The following C6orf62 variants were observed in gnomAD, a reference collection of about 807,000 sequenced individuals.
C6orf62 encodes the protein chromosome 6 open reading frame 62.
Under a neutral mutation model 26.8 loss-of-function variants are expected in C6orf62, and 16 were observed. The ratio of observed to expected loss-of-function variants is 0.60; its 90% CI spans 0.40 to 0.91. The LOEUF (loss-of-function observed/expected upper bound fraction) is 0.91, where lower values mean the gene tolerates loss of function less well. Among genes scored for constraint, C6orf62 ranks in the 40% least tolerant of loss-of-function variants. The pLI is 0.00. For missense variants in C6orf62, 192 were observed against 271.4 expected (o/e 0.71, Z 2.06); for synonymous variants, 112 against 91.5 (o/e 1.22, Z -1.28).
intron 4 of C6orf62, 127 bp downstream of exon 4, chr6:24,708,650 T>G (rs1306795022): frequency 1.5e-6 from 2 of 1,362,220 alleles, no homozygotes; most frequent in Non-Finnish European, 2.0e-6. Context: ...TTTTTTGCTT[T>G]TTAAATAACT....
At chr6:24,720,291 CGGCGGCGGG>C (rs1779330371), upstream of C6orf62, 4 of 1,301,056 alleles carry the variant, frequency 3.1e-6, no homozygotes, top group South Asian at 2.4e-5. Context: ...GAAGAGGCGG[CGGCGGCGGG>C]GGCGCTGCTG....
chr6:24,706,319 A>T, intron 4 of C6orf62, 57 bp from the exon 5 acceptor site: 1 of 1,593,518 alleles, frequency 6.3e-7, no homozygotes, highest in Non-Finnish European at 8.6e-7. Context: ...CGTAACTGTC[A>T]CATGAAGTCC....
intron 3 of C6orf62, among the ~76,000 whole-genome samples, chr6:24,711,257 A>ACAC (rs1554192457): frequency 8.9e-4 from 134 of 151,064 alleles, no homozygotes; most frequent in African/African-American, 3.0e-3. Context: ...CACACACACA[A>ACAC]ACACACACAC....
upstream of C6orf62, chr6:24,719,631 G>A (rs1779313742): frequency 7.0e-7 from 1 of 1,434,320 alleles, no homozygotes; most frequent in East Asian, 2.5e-5. Context: ...TAATGCCCGG[G>A]TTCCCAACAC....
chr6:24,720,520 G>A (rs955954269), upstream of C6orf62: 88 of 416,698 alleles, frequency 2.1e-4, no homozygotes, highest in Middle Eastern at 2.1e-3. Flanking sequence ...AGAAAAAGAG[G>A]AAAAACAAAG....
intron 3 of C6orf62, chr6:24,710,513 C>T (rs1156341139): frequency 1.2e-6 from 1 of 839,110 alleles, no homozygotes; most frequent in Non-Finnish European, 1.4e-6. Flanking sequence ...ATCCATCTGG[C>T]TTAGCCTCCC....
chr6:24,720,294 C>CG, upstream of C6orf62: 1 of 1,304,542 alleles, frequency 7.7e-7, no homozygotes, highest in South Asian at 2.4e-5. Context: ...GAGGCGGCGG[C>CG]GGCGGGGGCG....
At chr6:24,708,002 C>A (rs1779044800) in intron 4 of C6orf62, among the ~76,000 whole-genome samples, 1 of 151,238 alleles carries the variant, frequency 6.6e-6, no homozygotes, top group African/African-American at 2.4e-5. Context: ...CAGAGACTCC[C>A]TCTCAAGAAA....
chr6:24,720,212 A>C, upstream of C6orf62: 10 of 1,349,806 alleles, frequency 7.4e-6, no homozygotes, highest in African/African-American at 1.5e-5. Flanking sequence ...CCCGGGACTC[A>C]CGGACCGACT....
chr6:24,706,323 G>C, intron 4 of C6orf62, 61 bp from the exon 5 acceptor site: 1 of 1,588,136 alleles, frequency 6.3e-7, no homozygotes, highest in South Asian at 1.1e-5. Flanking sequence ...ACTGTCACAT[G>C]AAGTCCATTT....
At position 24,708,129 on chromosome 6, in the gene C6orf62, G is replaced by A. The variant is rs573533900; in HGVS notation, c.564+648C>T. Reference sequence around the variant, plus strand: ...GCCTGAGAGTCTATATTTTTAACAAGTTCTCAAGTGATGTTCATCCATTGC... The same window carrying A: ...GCCTGAGAGTCTATATTTTTAACAAATTCTCAAGTGATGTTCATCCATTGC... On this transcript the variant is annotated intron_variant, in intron 4 of 4. Transcript: ENST00000378119. Among the ~76,000 whole-genome samples the A allele has an allele frequency of 4.6e-5, 7 of 152,106 alleles. No homozygotes were observed. In the South Asian group the frequency reaches 1.5e-3, roughly 32 times the overall value.
At chr6:24,720,397 C>G, upstream of C6orf62, 1 of 1,162,148 alleles carries the variant, frequency 8.6e-7, no homozygotes, top group Non-Finnish European at 1.1e-6. Flanking sequence ...GTGACTGGAC[C>G]GCCCGCGCTG....
chr6:24,708,420 T>C (rs553567074), intron 4 of C6orf62, among the ~76,000 whole-genome samples: 2 of 152,228 alleles, frequency 1.3e-5, no homozygotes, highest in Admixed American at 1.3e-4. Context: ...AAGATCTCAC[T>C]GTAGCCTCCT....
chr6:24,712,901 A>T (rs1017818923), intron 3 of C6orf62, among the ~76,000 whole-genome samples: 1 of 152,122 alleles, frequency 6.6e-6, no homozygotes, highest in East Asian at 1.9e-4. Flanking sequence ...TTAACTAAAA[A>T]ACAACAAAAT....
At chr6:24,709,238 CA>C (rs1336676134) in intron 3 of C6orf62, 2 of 985,160 alleles carry the variant, frequency 2.0e-6, no homozygotes, top group African/African-American at 3.5e-5. Context: ...GTACACTCCA[CA>C]ACAGCAGTTG....
At chr6:24,718,096 TG>T (rs1420312533) in intron 1 of C6orf62, among the ~76,000 whole-genome samples, 1 of 152,228 alleles carries the variant, frequency 6.6e-6, no homozygotes, top group Non-Finnish European at 1.5e-5. Context: ...CTTCATTAAA[TG>T]TAAGAGAAAA....
rs778663155 is a variant in C6orf62, at chr6:24,714,402, A to C, written c.345T>G (p.Leu115=). ...TTTTTTCAATATCATTCCGAGGCCA[A>C]AGAATGAAATCCATCTCCTGAGTAC... ...IGCTQEMDFI[L]WPRNDIEKIV... The change falls in exon 3 of 5, where the codon CTT becomes CTG. Residue 115 remains leucine (L), a synonymous_variant. Transcript: ENST00000378119. The C allele has an allele frequency of 1.8e-4, 288 of 1,611,272 alleles. No homozygotes were observed. Among genetic ancestry groups the C allele is most frequent in the Non-Finnish European group, 1.8e-4 (211 of 1,178,226 alleles).
At chr6:24,710,202 A>T in intron 3 of C6orf62, 1 of 985,382 alleles carries the variant, frequency 1.0e-6, no homozygotes, top group Non-Finnish European at 1.2e-6. Flanking sequence ...GTACAGCCAA[A>T]TATAAAACCC....
chr6:24,718,294 G>C (rs960733979), intron 1 of C6orf62, among the ~76,000 whole-genome samples: 2 of 152,080 alleles, frequency 1.3e-5, no homozygotes, highest in African/African-American at 4.8e-5. Context: ...TGTCAACTCA[G>C]TGTATACTAC....
Sources: allele counts gnomAD v4.1 joint callset (sites outside exome capture counted in the v4.1 genomes callset), GRCh38; gene constraint gnomAD v4.1.1; transcripts MANE v1.5; gene names NCBI Gene and HGNC (gene_info 2026-07-23, HGNC 2026-07-21).